The following NLRP4 variants were observed in gnomAD, a reference collection of about 807,000 sequenced individuals.
The protein encoded by NLRP4 is NLR family pyrin domain containing 4.
In NLRP4, 44 loss-of-function variants were observed where a neutral mutation model predicts 84.7. The observed-to-expected ratio is 0.52, with a 90% CI of 0.41 to 0.67. The LOEUF (loss-of-function observed/expected upper bound fraction) is 0.67, where lower values mean the gene tolerates loss of function less well. Among genes scored for constraint, NLRP4 ranks in the 30% least tolerant of loss-of-function variants. The pLI, the probability that NLRP4 is intolerant of heterozygous loss-of-function variation, is 0.00. For synonymous variants in NLRP4, 544 were observed against 476.4 expected (o/e 1.14, Z -1.85); for missense variants, 1,260 against 1,219.4 (o/e 1.03, Z -0.50).
intron 1 of NLRP4, among the ~76,000 whole-genome samples, chr19:55,849,914 G>GA (rs1983968161): frequency 4.5e-5 from 6 of 134,192 alleles, no homozygotes; most frequent in East Asian, 4.2e-4. Flanking sequence ...AATTTCCGTA[G>GA]CCGCGGTGTA....
intron 1 of NLRP4, among the ~76,000 whole-genome samples, chr19:55,838,507 C>T (rs1983479759): frequency 6.6e-6 from 1 of 152,030 alleles, no homozygotes; most frequent in African/African-American, 2.4e-5. Flanking sequence ...GCTCCAGAAC[C>T]ATGAGACAGT....
At chr19:55,839,192 A>C (rs905339737) in intron 1 of NLRP4, among the ~76,000 whole-genome samples, 3 of 151,696 alleles carry the variant, frequency 2.0e-5, no homozygotes, top group Non-Finnish European at 4.4e-5. Flanking sequence ...TTGTGTTCTT[A>C]TTGTTCAACT....
At chr19:55,855,613 A>G (rs769167604) in intron 2 of NLRP4, among the ~76,000 whole-genome samples, 7 of 152,258 alleles carry the variant, frequency 4.6e-5, no homozygotes, top group Non-Finnish European at 7.3e-5. Context: ...GCACTGGATT[A>G]TATCTTTCAC....
At chr19:55,865,953 C>G (rs1447337218) in intron 5 of NLRP4, among the ~76,000 whole-genome samples, 1 of 152,066 alleles carries the variant, frequency 6.6e-6, no homozygotes, top group Non-Finnish European at 1.5e-5. Flanking sequence ...TTTCTTTTGT[C>G]TCATGTGCTT....
At chr19:55,865,916 C>T (rs1193301312) in intron 5 of NLRP4, among the ~76,000 whole-genome samples, 1 of 152,192 alleles carries the variant, frequency 6.6e-6, no homozygotes, top group Non-Finnish European at 1.5e-5. Flanking sequence ...ACAAAAGCTT[C>T]TAATCTGATG....
intron 1 of NLRP4, among the ~76,000 whole-genome samples, chr19:55,840,609 A>G (rs1207489574): frequency 6.6e-6 from 1 of 152,174 alleles, no homozygotes; most frequent in African/African-American, 2.4e-5. Context: ...CATGTTAGCC[A>G]GGCTGGTCTA....
At chr19:55,874,141 T>G (rs536603814) in intron 7 of NLRP4, among the ~76,000 whole-genome samples, 2 of 149,222 alleles carry the variant, frequency 1.3e-5, no homozygotes, top group East Asian at 4.1e-4. Context: ...AAGCCACACA[T>G]GTAATATTAA....
chr19:55,861,284 C>T (rs1984739200), intron 3 of NLRP4, 102 bp from the exon 4 acceptor site: 1 of 978,890 alleles, frequency 1.0e-6, no homozygotes, highest in Non-Finnish European at 1.5e-6. Flanking sequence ...GGCTCTGCCT[C>T]AGACATCTTC....
At chr19:55,840,801 C>G (rs369887) in intron 1 of NLRP4, among the ~76,000 whole-genome samples, 50,412 of 152,020 alleles carry the variant, frequency 0.33, 10,752 homozygotes, top group African/African-American at 0.61. Context: ...ATCTAGATTT[C>G]TCACCAATGT....
intron 9 of NLRP4, among the ~76,000 whole-genome samples, chr19:55,880,879 A>C (rs1211632359): frequency 6.6e-6 from 1 of 152,222 alleles, no homozygotes; most frequent in East Asian, 1.9e-4. Flanking sequence ...CTCATAAGGC[A>C]GTTGTGAACA....
chr19:55,844,558 G>C (rs1983721612), intron 1 of NLRP4, among the ~76,000 whole-genome samples: 1 of 152,178 alleles, frequency 6.6e-6, no homozygotes, highest in South Asian at 2.1e-4. Flanking sequence ...TTACAGGTGT[G>C]AGCTACTGTG....
chr19:55,850,074 A>ACTGTGGTGTAATTACCGTGG lies in NLRP4; in HGVS notation c.-65-1939_-65-1938insTGGTGTAATTACCGTGGCTG, dbSNP rs1984002432. ...CCGTAGCTGCGGTGGAATTTCCGAG[A>ACTGTGGTGTAATTACCGTGG]CTGCGGTGTAATTTCCGTGGCTGCG... On this transcript the variant is annotated intron_variant, in intron 1 of 9. Transcript: ENST00000301295. 5.6e-5 allele frequency among the ~76,000 whole-genome samples: 4 copies of ACTGTGGTGTAATTACCGTGG among 71,680 alleles called. 1 individual carries two copies. Among genetic ancestry groups the ACTGTGGTGTAATTACCGTGG allele is most frequent in the African/African-American group, 3.9e-4 (4 of 10,200 alleles). The allele number at this position is 71,680 out of a possible 152,430, so 47.0% of individuals were successfully genotyped here. A position where few individuals can be genotyped will look rare whatever the true frequency, so the allele number is the denominator to read the frequency against.
In NLRP4 at chr19:55,861,474, A is replaced by G. The variant is rs1056768846; in HGVS notation, c.1945A>G (p.Thr649Ala). 3.7e-6 allele frequency: 6 copies of G among 1,614,122 alleles called. No homozygotes were observed. Among genetic ancestry groups the G allele is most frequent in the Non-Finnish European group, 5.1e-6 (6 of 1,180,010 alleles). ...HLRELQVQDS[T>A]LSESTFVTWC... ...CAGAGAGCTCCAGGTGCAGGACAGC[A>G]CCCTCAGCGAGTCGACCTTTGTGAC... The change falls in exon 4 of 10, where the codon ACC (threonine) becomes GCC (alanine). Residue 649 changes from threonine to alanine, a missense_variant. This residue lies in a region of NLRP4 where 544 missense variants were observed against 531.7 expected (regional missense o/e 1.02). Transcript: ENST00000301295.
chr19:55,849,855 TGCG>T, intron 1 of NLRP4, among the ~76,000 whole-genome samples: 1 of 134,458 alleles, frequency 7.4e-6, no homozygotes, highest in East Asian at 2.1e-4. Context: ...TTTCCGAGAC[TGCG>T]GTGTAATTTC....
chr19:55,861,593 C>CT, intron 4 of NLRP4, 46 bp downstream of exon 4: 1 of 1,542,600 alleles, frequency 6.5e-7, no homozygotes, highest in Non-Finnish European at 8.9e-7. Context: ...CGGAGATGAC[C>CT]TATTCATCTC....
At chr19:55,871,534 C>T (rs746340847) in intron 7 of NLRP4, among the ~76,000 whole-genome samples, 4 of 152,220 alleles carry the variant, frequency 2.6e-5, no homozygotes, top group Admixed American at 2.0e-4. Context: ...ACCCCTGTAG[C>T]GGCGGTGGCA....
At chr19:55,877,242 T>C in intron 8 of NLRP4, 76 bp downstream of exon 8, 3 of 1,384,312 alleles carry the variant, frequency 2.2e-6, no homozygotes, top group South Asian at 1.2e-5. Flanking sequence ...AAGAGAAAGA[T>C]GAAAACTCCA....
chr19:55,865,893 T>C (rs1041211845), intron 5 of NLRP4, among the ~76,000 whole-genome samples: 5 of 152,208 alleles, frequency 3.3e-5, no homozygotes, highest in African/African-American at 1.2e-4. Context: ...TTCTTAATGG[T>C]GTCCTTTGAA....
At chr19:55,877,535 C>T (rs1600244484) in intron 8 of NLRP4, among the ~76,000 whole-genome samples, 1 of 152,134 alleles carries the variant, frequency 6.6e-6, no homozygotes, top group East Asian at 1.9e-4. Context: ...GGCCTGGGCT[C>T]ATTGACATGG....
Sources: allele counts gnomAD v4.1 joint callset (sites outside exome capture counted in the v4.1 genomes callset), GRCh38; gene constraint gnomAD v4.1.1; regional missense constraint gnomAD v4.1.1; transcripts MANE v1.5; gene names NCBI Gene and HGNC (gene_info 2026-07-23, HGNC 2026-07-21).